SLC23A2: variants seen among roughly 807,000 people sequenced by gnomAD.
SLC23A2 encodes solute carrier family 23 member 2.
A neutral mutation model predicts 73.3 loss-of-function variants in SLC23A2; 36 were observed. That is an observed-to-expected ratio of 0.49 (90% CI 0.38 to 0.65). The LOEUF (loss-of-function observed/expected upper bound fraction) is 0.65, where lower values mean the gene tolerates loss of function less well. SLC23A2 is among the 30% of genes least tolerant of loss of function. SLC23A2 has a pLI of 0.00. For synonymous variants in SLC23A2, 343 were observed against 327.3 expected (o/e 1.05, Z -0.52); for missense variants, 507 against 841.6 (o/e 0.60, Z 4.92).
At chr20:4,940,473 A>C (rs1394958324) in intron 2 of SLC23A2, among the ~76,000 whole-genome samples, 1 of 152,150 alleles carries the variant, frequency 6.6e-6, no homozygotes, top group Non-Finnish European at 1.5e-5. Flanking sequence ...AAAAAAACCC[A>C]AAAACTGATG....
At chr20:4,860,447 G>C (rs909584422) in intron 15 of SLC23A2, among the ~76,000 whole-genome samples, 5 of 152,148 alleles carry the variant, frequency 3.3e-5, no homozygotes, top group Non-Finnish European at 7.3e-5. Flanking sequence ...ATGTCCAAGT[G>C]GTGTGAAGTG....
At chr20:5,005,727 CT>C (rs2088183396), upstream of SLC23A2, among the ~76,000 whole-genome samples, 2 of 152,174 alleles carry the variant, frequency 1.3e-5, no homozygotes, top group Admixed American at 6.5e-5. Context: ...GTGGCTCACG[CT>C]TGTAATCCCA....
At chr20:4,941,773 AAAAT>A (rs559130467) in intron 2 of SLC23A2, among the ~76,000 whole-genome samples, 6 of 152,174 alleles carry the variant, frequency 3.9e-5, no homozygotes, top group South Asian at 2.1e-4. Context: ...TAAAAATAAA[AAAAT>A]AAAAAGAATG....
intron 6 of SLC23A2, among the ~76,000 whole-genome samples, chr20:4,887,310 C>T (rs1931140867): frequency 1.3e-5 from 2 of 152,218 alleles, no homozygotes; most frequent in Non-Finnish European, 2.9e-5. Flanking sequence ...CACAAATTTT[C>T]AGGACTGTAC....
chr20:4,880,385 AACCTGCTCACTGAGC>A (rs1930834978), intron 9 of SLC23A2, among the ~76,000 whole-genome samples: 1 of 152,134 alleles, frequency 6.6e-6, no homozygotes, highest in Non-Finnish European at 1.5e-5. Context: ...ATTAGTTCAC[AACCTGCTCACTGAGC>A]ACCAGCTCAG....
intron 2 of SLC23A2, among the ~76,000 whole-genome samples, chr20:4,946,055 G>A (rs1470379513): frequency 6.6e-6 from 1 of 152,154 alleles, no homozygotes; most frequent in Non-Finnish European, 1.5e-5. Flanking sequence ...CCCAATGACT[G>A]CAATGGAAGG....
intron 6 of SLC23A2, among the ~76,000 whole-genome samples, chr20:4,893,083 T>A (rs937480383): frequency 1.3e-5 from 2 of 151,804 alleles, no homozygotes; most frequent in African/African-American, 2.4e-5. Context: ...TTTTTTTTTT[T>A]AGACAGGATC....
At chr20:4,866,349 C>T (rs958815355) in intron 13 of SLC23A2, among the ~76,000 whole-genome samples, 3 of 152,128 alleles carry the variant, frequency 2.0e-5, no homozygotes, top group Non-Finnish European at 4.4e-5. Context: ...TACAGAGGGC[C>T]GGCTATCTTA....
intron 1 of SLC23A2, among the ~76,000 whole-genome samples, chr20:4,995,188 G>C (rs2087999238): frequency 6.6e-6 from 1 of 152,088 alleles, no homozygotes; most frequent in African/African-American, 2.4e-5. Context: ...GCGTTGAGGT[G>C]GTGGGTAGAA....
intron 8 of SLC23A2, among the ~76,000 whole-genome samples, chr20:4,884,026 T>C (rs1005966115): frequency 1.3e-5 from 2 of 152,186 alleles, no homozygotes; most frequent in Non-Finnish European, 1.5e-5. Context: ...ATGATGCAGG[T>C]GTATTACAGA....
chr20:4,879,632 G>C (rs1015689870), intron 9 of SLC23A2, among the ~76,000 whole-genome samples: 3 of 152,038 alleles, frequency 2.0e-5, no homozygotes, highest in African/African-American at 7.2e-5. Context: ...ACAGTGAGCT[G>C]AGATTGTGCC....
At chr20:4,909,715 G>A (rs920494792) in intron 4 of SLC23A2, among the ~76,000 whole-genome samples, 5 of 151,958 alleles carry the variant, frequency 3.3e-5, no homozygotes, top group South Asian at 2.1e-4. Flanking sequence ...CATGAAGCCC[G>A]GCTAAATTTT....
At chr20:4,871,388 G>T (rs1186807734) in intron 11 of SLC23A2, among the ~76,000 whole-genome samples, 1 of 152,158 alleles carries the variant, frequency 6.6e-6, no homozygotes. Flanking sequence ...TGGGAACGGA[G>T]GTGCCCCTCC....
intron 5 of SLC23A2, among the ~76,000 whole-genome samples, chr20:4,901,058 G>C (rs117711816): frequency 2.6e-5 from 4 of 152,198 alleles, no homozygotes; most frequent in Admixed American, 6.5e-5. Context: ...GACCAGGGAA[G>C]ACTGCTGGGA....
chr20:4,993,908 AGTGAAACCCT>A (rs2122340688), intron 1 of SLC23A2, among the ~76,000 whole-genome samples: 1 of 152,214 alleles, frequency 6.6e-6, no homozygotes, highest in East Asian at 1.9e-4. Context: ...CTAAAAACAT[AGTGAAACCCT>A]GTCTCTACAA....
At chr20:4,891,236 G>T (rs527632918) in intron 6 of SLC23A2, among the ~76,000 whole-genome samples, 1 of 152,254 alleles carries the variant, frequency 6.6e-6, no homozygotes, top group Middle Eastern at 3.4e-3. Flanking sequence ...GGGGCAAGAA[G>T]GACCTGACAG....
At chr20:5,001,303 G>A (rs1055626287) in intron 1 of SLC23A2, 103 bp downstream of exon 1, 2 of 146,934 alleles carry the variant, frequency 1.4e-5, no homozygotes, top group Non-Finnish European at 3.0e-5. Flanking sequence ...CAGCGCGCGG[G>A]GGCCGTGCCA....
rs1197231754 is a variant in SLC23A2 at position 4,998,883 on chromosome 20, C to A, written c.-282+2523G>T. 6.7e-6 allele frequency among the ~76,000 whole-genome samples: 1 copy of A among 150,024 alleles called. No individual in the cohort carries two copies. Among genetic ancestry groups the A allele is most frequent in the Non-Finnish European group, 1.5e-5 (1 of 67,762 alleles). ...GCAGTGGCACGATCTCGACTCACTG[C>A]AAACTCCACCTCCCAGGTTCAAGCG... On this transcript the variant is annotated intron_variant, in intron 1 of 16. Transcript: ENST00000338244. The surrounding 1 kb of genome is among the most constrained non-coding windows in gnomAD (Gnocchi z 4.1).
chr20:4,874,773 G>T, intron 9 of SLC23A2, 77 bp from the exon 10 acceptor site: 6 of 1,258,296 alleles, frequency 4.8e-6, no homozygotes, highest in Non-Finnish European at 6.6e-6. Context: ...AGCTTCTATG[G>T]CAAAATTGAC....
Sources: gnomAD v4.1 joint callset for allele counts (sites outside exome capture counted in the v4.1 genomes callset) on GRCh38, gnomAD v4.1.1 for gene constraint, Gnocchi (gnomAD v3.1) non-coding constraint, MANE v1.5 for transcripts, NCBI Gene and HGNC (gene_info 2026-07-23, HGNC 2026-07-21) for gene names.